The following TENM2 variants were observed in gnomAD, a reference collection of about 807,000 sequenced individuals.
The protein encoded by TENM2 is teneurin transmembrane protein 2.
TENM2 carries 52 observed loss-of-function variants against 245.2 expected under a neutral mutation model. The observed-to-expected ratio is 0.21, with a 90% confidence interval of 0.17 to 0.27. The LOEUF (loss-of-function observed/expected upper bound fraction) is 0.27, where lower values mean the gene tolerates loss of function less well. TENM2 is among the 10% of genes least tolerant of loss of function. The pLI is 1.00. For synonymous variants in TENM2, 1,363 were observed against 1,438.9 expected (o/e 0.95, Z 1.19); for missense variants, 3,046 against 3,666.8 (o/e 0.83, Z 4.37).
At chr5:168,044,721 A>G (rs1008256632) in intron 5 of TENM2, among the ~76,000 whole-genome samples, 2 of 152,112 alleles carry the variant, frequency 1.3e-5, no homozygotes, top group Non-Finnish European at 2.9e-5. Flanking sequence ...TGAAAGGTAA[A>G]GGGAGAGATT....
chr5:167,014,173 T>C, the TENM2 span, among the ~76,000 whole-genome samples: 1 of 147,236 alleles, frequency 6.8e-6, no homozygotes, highest in Non-Finnish European at 1.5e-5. Context: ...TCATGAGCTT[T>C]ATAAGAAGAC....
the TENM2 span, among the ~76,000 whole-genome samples, chr5:167,151,443 G>A: frequency 6.6e-6 from 1 of 152,164 alleles, no homozygotes; most frequent in African/African-American, 2.4e-5. Flanking sequence ...GCTACCTAAT[G>A]ACTACGTTAC....
At chr5:167,142,946 A>T in the TENM2 span, among the ~76,000 whole-genome samples, 1 of 152,178 alleles carries the variant, frequency 6.6e-6, no homozygotes, top group Non-Finnish European at 1.5e-5. Flanking sequence ...ATCTGCGGGA[A>T]CATTGAGTTT....
intron 2 of TENM2, among the ~76,000 whole-genome samples, chr5:167,767,998 T>C (rs144211177): frequency 1.3e-5 from 2 of 152,194 alleles, no homozygotes; most frequent in Non-Finnish European, 2.9e-5. Flanking sequence ...ATATGCTCAG[T>C]GTGAACGTGG....
At chr5:167,019,343 G>A in the TENM2 span, among the ~76,000 whole-genome samples, 57 of 152,320 alleles carry the variant, frequency 3.7e-4, no homozygotes, top group Admixed American at 1.5e-3. Flanking sequence ...AGATTGCTGA[G>A]TAAGAAGGCA....
the TENM2 span, among the ~76,000 whole-genome samples, chr5:167,213,474 A>T: frequency 6.6e-6 from 1 of 152,160 alleles, no homozygotes; most frequent in African/African-American, 2.4e-5. Flanking sequence ...CTCATGACCC[A>T]GTCACCTCCC....
At chr5:167,936,118 T>C (rs1243582602) in intron 3 of TENM2, among the ~76,000 whole-genome samples, 2 of 152,224 alleles carry the variant, frequency 1.3e-5, no homozygotes, top group East Asian at 1.9e-4. Flanking sequence ...AACCGCCTTG[T>C]ATGCAGTCAG....
chr5:168,246,235 CA>C (rs111982569), intron 26 of TENM2, among the ~76,000 whole-genome samples: 257 of 129,430 alleles, frequency 2.0e-3, no homozygotes, highest in East Asian at 2.8e-3. Flanking sequence ...GACTCTGTTT[CA>C]AAAAAAAAAA....
chr5:168,061,520 A>G (rs753410750), intron 6 of TENM2, among the ~76,000 whole-genome samples: 10 of 152,182 alleles, frequency 6.6e-5, no homozygotes, highest in Non-Finnish European at 1.2e-4. Context: ...TGAAGGAGAG[A>G]TGTTGTTTCT....
At chr5:167,370,159 G>C (rs1214805431) in intron 1 of TENM2, among the ~76,000 whole-genome samples, 1 of 151,938 alleles carries the variant, frequency 6.6e-6, no homozygotes, top group Non-Finnish European at 1.5e-5. Flanking sequence ...TGGCTAACAC[G>C]GTGAAACCCC....
chr5:168,038,849 A>G (rs1315823616), intron 5 of TENM2, among the ~76,000 whole-genome samples: 2 of 151,208 alleles, frequency 1.3e-5, no homozygotes, highest in Non-Finnish European at 2.9e-5. Context: ...CCTCCCTTAT[A>G]CCTGGTTCCT....
the TENM2 span, among the ~76,000 whole-genome samples, chr5:167,098,666 G>A: frequency 6.6e-6 from 1 of 152,122 alleles, no homozygotes; most frequent in Non-Finnish European, 1.5e-5. Context: ...CCGAGAAAAA[G>A]GAAGCCCCTT....
At chr5:167,544,537 T>C (rs142559682) in intron 2 of TENM2, among the ~76,000 whole-genome samples, 2 of 152,344 alleles carry the variant, frequency 1.3e-5, no homozygotes, top group East Asian at 3.9e-4. Flanking sequence ...TATTCTATTA[T>C]ATCTCTAGTG....
intron 5 of TENM2, among the ~76,000 whole-genome samples, chr5:168,010,495 C>T (rs766685777): frequency 1.4e-4 from 22 of 152,334 alleles, no homozygotes; most frequent in Admixed American, 8.5e-4. Context: ...AGAGCAGCCT[C>T]TCCCTCAAGT....
intron 2 of TENM2, among the ~76,000 whole-genome samples, chr5:167,586,016 C>T (rs931807625): frequency 6.6e-6 from 1 of 151,956 alleles, no homozygotes; most frequent in Non-Finnish European, 1.5e-5. Flanking sequence ...TCCCAGTACT[C>T]GGGAGGCTGA....
chr5:167,598,129 T>A (rs558658032), intron 2 of TENM2, among the ~76,000 whole-genome samples: 2 of 152,354 alleles, frequency 1.3e-5, no homozygotes, highest in Admixed American at 1.3e-4. Context: ...AGCCACTGTC[T>A]GTTAACTTTC....
rs779284278 is a variant in TENM2, at chr5:168,247,048, G to A, written c.6109G>A (p.Ala2037Thr). ...ATCAGAGATTGTCTACGACAGTACC[G>A]CCGTCACCTTCGGGTATGACGAGAC... Residue 2037 changes from alanine (A) to threonine (T), a missense_variant, in exon 27 of 29, where the codon GCC becomes ACC. Physicochemically the swap from Ala to Thr is moderately conservative, Grantham distance 58. This residue lies in a region of TENM2 where 2,704 missense variants were observed against 3,331.9 expected (regional missense o/e 0.81). Transcript: ENST00000518659. This position sits in a 1 kb window ranked among gnomAD's most constrained non-coding sequence, Gnocchi z 7.8. 1.9e-5 allele frequency: 31 copies of A among 1,613,786 alleles called. No individual in the cohort carries two copies. Among genetic ancestry groups the A allele is most frequent in the African/African-American group, 1.5e-4 (11 of 74,896 alleles).
At chr5:167,422,606 A>G (rs1763577737) in intron 2 of TENM2, among the ~76,000 whole-genome samples, 1 of 152,212 alleles carries the variant, frequency 6.6e-6, no homozygotes, top group African/African-American at 2.4e-5. Flanking sequence ...TCCCTGCAAG[A>G]AGACAACTCC....
the TENM2 span, among the ~76,000 whole-genome samples, chr5:167,008,059 C>T: frequency 6.6e-6 from 1 of 152,170 alleles, no homozygotes. Context: ...CTCTTCTCTA[C>T]CTGCTTTTCC....
Sources: allele counts gnomAD v4.1 joint callset (sites outside exome capture counted in the v4.1 genomes callset), GRCh38; gene constraint gnomAD v4.1.1; regional missense constraint gnomAD v4.1.1; non-coding constraint Gnocchi (gnomAD v3.1); transcripts MANE v1.5; gene names NCBI Gene and HGNC (gene_info 2026-07-23, HGNC 2026-07-21).